Variants in CNTN6 observed in about 807,000 individuals in gnomAD.
CNTN6 encodes contactin 6.
A neutral mutation model predicts 122.8 loss-of-function variants in CNTN6; 137 were observed. That is an observed-to-expected ratio of 1.12 (90% CI 0.97 to 1.29). The LOEUF is 1.29. Ranked by LOEUF, CNTN6 falls within the 50% of genes most tolerant of loss-of-function variation. The pLI, the probability that CNTN6 is intolerant of heterozygous loss-of-function variation, is 0.00. For missense variants in CNTN6, 1,634 were observed against 1,223.4 expected, an observed-to-expected ratio of 1.34 and a Z score of -5.01; for synonymous variants, 570 against 426.0, an observed-to-expected ratio of 1.34 and a Z score of -4.16.
In CNTN6 at chr3:1,403,420, G is replaced by T; in HGVS notation, c.*2G>T. ...TTTGCTATTCAGCCACTTATCTGATGAATAAAACCATAAATCTTTGAGAGT... is the reference window on the plus strand; with the variant it reads ...TTTGCTATTCAGCCACTTATCTGATTAATAAAACCATAAATCTTTGAGAGT... On this transcript the variant is annotated 3_prime_UTR_variant, in exon 23 of 23. Coordinates refer to ENST00000446702, the MANE Select transcript of CNTN6 (RefSeq NM_001289080.2). The T allele has an allele frequency of 1.3e-6, 2 of 1,577,556 alleles. No individual in the cohort carries two copies. Among genetic ancestry groups the T allele is most frequent in the South Asian group, 1.1e-5 (1 of 90,150 alleles).
chr3:1,345,324 C>G (rs1182791700), intron 11 of CNTN6, among the ~76,000 whole-genome samples: 1 of 152,030 alleles, frequency 6.6e-6, no homozygotes, highest in Non-Finnish European at 1.5e-5. Flanking sequence ...CCATATTGGC[C>G]AGTCTGGTCT....
Position 1,114,613 on chromosome 3 carries a change from A to G in CNTN6, c.-83+21493A>G, listed in dbSNP as rs144371356. ...CATGATAAATGTAATAAATAAGAGA[A>G]CATAAATGTGGACATAGTAAAATGG... On this transcript the variant is annotated intron_variant, in intron 1 of 22. Transcript: ENST00000446702. Among the ~76,000 whole-genome samples the G allele has an allele frequency of 3.9e-5, 6 of 152,278 alleles. No individual in the cohort carries two copies. The East Asian group carries it at 1.2e-3, about 29-fold the overall frequency.
intron 4 of CNTN6, among the ~76,000 whole-genome samples, chr3:1,255,977 A>G (rs2125688073): frequency 6.6e-6 from 1 of 152,074 alleles, no homozygotes; most frequent in South Asian, 2.1e-4. Context: ...CAAGAAATCC[A>G]CTCAGCTCAG....
intron 17 of CNTN6, among the ~76,000 whole-genome samples, chr3:1,380,047 G>A (rs185865737): frequency 6.6e-6 from 1 of 152,292 alleles, no homozygotes; most frequent in Admixed American, 6.5e-5. Context: ...AAGGAGGTCA[G>A]GAAAGACACC....
intron 2 of CNTN6, among the ~76,000 whole-genome samples, chr3:1,191,145 G>A (rs929216810): frequency 6.6e-6 from 1 of 152,062 alleles, no homozygotes; most frequent in African/African-American, 2.4e-5. Context: ...AGCATCTTTT[G>A]TCCTAGTATT....
At chr3:1,353,860 C>A (rs1454185747) in intron 12 of CNTN6, among the ~76,000 whole-genome samples, 1 of 151,472 alleles carries the variant, frequency 6.6e-6, no homozygotes, top group Admixed American at 6.6e-5. Flanking sequence ...GGCATTAAAA[C>A]GTGAAATAGA....
chr3:1,245,271 ATATACACACACATATATATAT>A (rs2094556903), intron 4 of CNTN6, among the ~76,000 whole-genome samples: 1 of 8,358 alleles, frequency 1.2e-4, no homozygotes, highest in African/African-American at 4.1e-4. Flanking sequence ...ATATATATAT[ATATACACACACATATATATAT>A]AACATATATA....
intron 11 of CNTN6, among the ~76,000 whole-genome samples, chr3:1,337,069 C>T (rs888935615): frequency 6.6e-6 from 1 of 152,080 alleles, no homozygotes; most frequent in East Asian, 1.9e-4. Flanking sequence ...CTTGGGAAGA[C>T]CTGTTTGAAA....
intron 2 of CNTN6, among the ~76,000 whole-genome samples, chr3:1,151,480 C>G (rs2092841369): frequency 6.6e-6 from 1 of 152,162 alleles, no homozygotes; most frequent in South Asian, 2.1e-4. Context: ...GTATTTGAAA[C>G]TCTGTGAGGG....
At chr3:1,316,643 G>T (rs1331017924) in intron 7 of CNTN6, among the ~76,000 whole-genome samples, 1 of 151,746 alleles carries the variant, frequency 6.6e-6, no homozygotes, top group Non-Finnish European at 1.5e-5. Flanking sequence ...TTATAAATGT[G>T]CAACAAAATT....
intron 2 of CNTN6, among the ~76,000 whole-genome samples, chr3:1,161,773 C>CAG (rs2093138867): frequency 7.2e-6 from 1 of 139,586 alleles, no homozygotes; most frequent in Non-Finnish European, 1.5e-5. Context: ...TATGTATACA[C>CAG]ACACACACAC....
chr3:1,365,615 T>G (rs2126117898), intron 12 of CNTN6, among the ~76,000 whole-genome samples: 1 of 152,188 alleles, frequency 6.6e-6, no homozygotes, highest in Middle Eastern at 3.4e-3. Context: ...GGATTAAAAA[T>G]ATTCCATACT....
chr3:1,234,875 T>A (rs943423514), intron 4 of CNTN6, among the ~76,000 whole-genome samples: 1 of 152,212 alleles, frequency 6.6e-6, no homozygotes, highest in Non-Finnish European at 1.5e-5. Context: ...AACCACCAAT[T>A]GTTATCATAT....
intron 1 of CNTN6, among the ~76,000 whole-genome samples, chr3:1,121,725 T>A (rs776270397): frequency 6.6e-5 from 10 of 151,982 alleles, no homozygotes; most frequent in Non-Finnish European, 1.5e-4. Flanking sequence ...TCCATTTTAA[T>A]GACTACGAAG....
At chr3:1,304,078 C>G (rs780926779) in intron 7 of CNTN6, among the ~76,000 whole-genome samples, 1 of 152,194 alleles carries the variant, frequency 6.6e-6, no homozygotes, top group Non-Finnish European at 1.5e-5. Flanking sequence ...GCAATTCCAG[C>G]CACTTCAGCC....
chr3:1,354,221 C>T (rs1706163043), intron 12 of CNTN6, among the ~76,000 whole-genome samples: 1 of 149,166 alleles, frequency 6.7e-6, no homozygotes, highest in Admixed American at 6.7e-5. Context: ...GTAATATAGC[C>T]ATGTTTTCTG....
chr3:1,323,684 T>G (rs1701163855), intron 8 of CNTN6, among the ~76,000 whole-genome samples: 1 of 151,756 alleles, frequency 6.6e-6, no homozygotes, highest in Admixed American at 6.6e-5. Context: ...TCTAAAGTAT[T>G]ATTCATCATA....
chr3:1,131,965 G>T (rs2092347756), intron 1 of CNTN6, among the ~76,000 whole-genome samples: 1 of 152,030 alleles, frequency 6.6e-6, no homozygotes, highest in African/African-American at 2.4e-5. Context: ...GAACAATATT[G>T]TGCCAAAAAT....
rs540703454 is a variant in CNTN6, at chr3:1,121,857, T to C, written c.-82-26070T>C. ...CCAAACATGAGAAAACACATGTGTA[T>C]TGCCTTTTCCTTCTTTGTATAATTT... is the stretch of plus-strand genomic sequence containing the variant. On this transcript the variant is annotated intron_variant, in intron 1 of 22. Transcript: ENST00000446702. 3.3e-5 allele frequency among the ~76,000 whole-genome samples: 5 copies of C among 152,094 alleles called. No individual in the cohort carries two copies. In the East Asian group the frequency reaches 9.7e-4, roughly 29 times the overall value.
Sources: allele counts gnomAD v4.1 joint callset (sites outside exome capture counted in the v4.1 genomes callset), GRCh38; gene constraint gnomAD v4.1.1; transcripts MANE v1.5; gene names NCBI Gene and HGNC (gene_info 2026-07-23, HGNC 2026-07-21).